Variants in CNIH3 observed in about 807,000 individuals in gnomAD.
CNIH3 encodes the protein protein cornichon homolog 3.
Under a neutral mutation model 24.1 loss-of-function variants are expected in CNIH3, and 14 were observed. The ratio of observed to expected loss-of-function variants is 0.58; its 90% CI spans 0.38 to 0.91. The LOEUF is 0.91. Ranked by LOEUF, CNIH3 falls within the 40% of genes least tolerant of loss-of-function variation. The pLI is 0.00. For missense variants in CNIH3, 178 were observed against 196.8 expected, an observed-to-expected ratio of 0.90 and a Z score of 0.57; for synonymous variants, 68 against 73.8, an observed-to-expected ratio of 0.92 and a Z score of 0.40.
intron 1 of CNIH3, among the ~76,000 whole-genome samples, chr1:224,446,272 A>G (rs1675163651): frequency 7.9e-6 from 1 of 126,724 alleles, no homozygotes; most frequent in Non-Finnish European, 1.6e-5. Context: ...TGCATTTCAT[A>G]TAAAGTATAG....
At chr1:224,589,896 A>C (rs189895433), downstream of CNIH3, among the ~76,000 whole-genome samples, 38 of 150,674 alleles carry the variant, frequency 2.5e-4, no homozygotes, top group East Asian at 7.0e-3. Context: ...TTTTTTTTTG[A>C]GATGGAGTCT....
chr1:224,674,880 T>C (rs530746453), intron 1 of CNIH3, among the ~76,000 whole-genome samples: 1 of 152,124 alleles, frequency 6.6e-6, no homozygotes, highest in Non-Finnish European at 1.5e-5. Context: ...CTGATATAAC[T>C]TGATCCTTCT....
chr1:224,720,065 G>C lies in CNIH3; in HGVS notation c.199-10397G>C, dbSNP rs182481240. Reference sequence around the variant, plus strand: ...CGTTCAGCAAATTGCCCATTCCCCTGTATGTGCACTCAGTAAATATTAATT... The same window carrying C: ...CGTTCAGCAAATTGCCCATTCCCCTCTATGTGCACTCAGTAAATATTAATT... On this transcript the variant is annotated intron_variant, in intron 3 of 5. Coordinates refer to ENST00000272133, the MANE Select transcript of CNIH3 (RefSeq NM_152495.2). Among the ~76,000 whole-genome samples the C allele has an allele frequency of 2.2e-3, 342 of 152,194 alleles. 1 individual carries two copies. The highest frequency in any genetic ancestry group is 0.014 in the Middle Eastern group (4 of 294).
At chr1:224,680,237 G>A (rs1242137318) in intron 1 of CNIH3, among the ~76,000 whole-genome samples, 1 of 152,232 alleles carries the variant, frequency 6.6e-6, no homozygotes, top group African/African-American at 2.4e-5. Context: ...TGGTGAGGAT[G>A]TGGGCTTGTG....
chr1:224,525,255 A>G (rs1324557543), intron 2 of CNIH3, among the ~76,000 whole-genome samples: 1 of 152,246 alleles, frequency 6.6e-6, no homozygotes, highest in Admixed American at 6.5e-5. Flanking sequence ...TGTGTTTTGC[A>G]TATATTTGGT....
At chr1:224,588,057 G>A (rs368148005) in intron 5 of CNIH3, among the ~76,000 whole-genome samples, 1 of 151,948 alleles carries the variant, frequency 6.6e-6, no homozygotes, top group Non-Finnish European at 1.5e-5. Flanking sequence ...GTATCTAAAT[G>A]TCAACTCCCA....
intron 3 of CNIH3, among the ~76,000 whole-genome samples, chr1:224,696,146 G>A (rs979824145): frequency 6.6e-6 from 1 of 152,180 alleles, no homozygotes; most frequent in Non-Finnish European, 1.5e-5. Flanking sequence ...GCTGTCTAGA[G>A]ACCCAGGCTC....
rs554814977 is a variant in CNIH3, at chr1:224,718,134, G to T, written c.199-12328G>T. Among the ~76,000 whole-genome samples the T allele has an allele frequency of 1.2e-4, 19 of 152,188 alleles. No individual in the cohort carries two copies. The South Asian group carries it at 3.9e-3, about 32-fold the overall frequency. ...ATAGACAATAAGCAAGTAAACAAACGCACAATAGGTACATTTTCAGATAAT... is the reference window on the plus strand; with the variant it reads ...ATAGACAATAAGCAAGTAAACAAACTCACAATAGGTACATTTTCAGATAAT... On this transcript the variant is annotated intron_variant, in intron 3 of 5. Transcript: ENST00000272133.
At chr1:224,515,166 G>A (rs534026025), upstream of CNIH3, among the ~76,000 whole-genome samples, 3 of 152,308 alleles carry the variant, frequency 2.0e-5, no homozygotes, top group South Asian at 6.2e-4. Flanking sequence ...GAACAGGAGG[G>A]TCTGGGCGGG....
At chr1:224,643,609 A>G (rs560641499) in intron 1 of CNIH3, among the ~76,000 whole-genome samples, 16 of 152,360 alleles carry the variant, frequency 1.1e-4, no homozygotes, top group African/African-American at 3.1e-4. Flanking sequence ...GTTCAGCTAA[A>G]GATGGGATCC....
chr1:224,452,597 C>T (rs182575134), intron 1 of CNIH3, among the ~76,000 whole-genome samples: 1,619 of 149,972 alleles, frequency 0.011, 78 homozygotes, highest in Admixed American at 0.086. Flanking sequence ...CTGGCTAACA[C>T]GGTGAAACCC....
At chr1:224,575,058 G>T in intron 4 of CNIH3, 1 of 876,354 alleles carries the variant, frequency 1.1e-6, no homozygotes, top group Non-Finnish European at 2.0e-6. Context: ...AGGCATCATG[G>T]TGACTGCCTA....
chr1:224,704,644 A>G lies in CNIH3; in HGVS notation c.198+19801A>G, dbSNP rs1241602962. ...TTTGCTGGACCATTTAATTGTATAC[A>G]TCATGGATCTGCATCCCCAAATACA... On this transcript the variant is annotated intron_variant, in intron 3 of 5. Coordinates refer to ENST00000272133, the MANE Select transcript of CNIH3 (RefSeq NM_152495.2). The surrounding 1 kb of genome is among the most constrained non-coding windows in gnomAD (Gnocchi z 4.2). Among the ~76,000 whole-genome samples the G allele has an allele frequency of 6.6e-6, 1 of 152,148 alleles. No individual in the cohort carries two copies. Among genetic ancestry groups the G allele is most frequent in the Non-Finnish European group, 1.5e-5 (1 of 68,038 alleles).
At chr1:224,693,534 C>G (rs1336489268) in intron 3 of CNIH3, among the ~76,000 whole-genome samples, 1 of 151,538 alleles carries the variant, frequency 6.6e-6, no homozygotes, top group Non-Finnish European at 1.5e-5. Context: ...GGGCAGCAGG[C>G]CATTAGCTCA....
chr1:224,455,649 T>G (rs1558075975), intron 1 of CNIH3, among the ~76,000 whole-genome samples: 1 of 152,166 alleles, frequency 6.6e-6, no homozygotes, highest in Non-Finnish European at 1.5e-5. Flanking sequence ...AGGCTTAGTC[T>G]GACCCTACTC....
intron 4 of CNIH3, among the ~76,000 whole-genome samples, chr1:224,567,898 T>C (rs1366714506): frequency 6.6e-6 from 1 of 152,224 alleles, no homozygotes; most frequent in Non-Finnish European, 1.5e-5. Flanking sequence ...TCTTTGACTC[T>C]GAACAGACCT....
At chr1:224,480,903 A>T (rs1676781369) in intron 1 of CNIH3, among the ~76,000 whole-genome samples, 1 of 151,868 alleles carries the variant, frequency 6.6e-6, no homozygotes, top group South Asian at 2.1e-4. Flanking sequence ...TTGCTTCCAT[A>T]TTTTTTTTGG....
At chr1:224,617,427 C>T (rs1191178703) in intron 1 of CNIH3, among the ~76,000 whole-genome samples, 172 bp downstream of exon 1, 2 of 152,206 alleles carry the variant, frequency 1.3e-5, no homozygotes, top group African/African-American at 4.8e-5. Context: ...GGCGCGCCTT[C>T]GGTGCCCTGG....
chr1:224,443,711 ATTTT>A (rs56248229), intron 1 of CNIH3, among the ~76,000 whole-genome samples: 302 of 149,530 alleles, frequency 2.0e-3, no homozygotes, highest in African/African-American at 6.9e-3. Flanking sequence ...ATATATATAT[ATTTT>A]TTTAGGCTGC....
Sources: gnomAD v4.1 joint callset for allele counts (sites outside exome capture counted in the v4.1 genomes callset) on GRCh38, gnomAD v4.1.1 for gene constraint, Gnocchi (gnomAD v3.1) non-coding constraint, MANE v1.5 for transcripts, NCBI Gene and HGNC (gene_info 2026-07-23, HGNC 2026-07-21) for gene names.